The following HS3ST2 variants were observed in gnomAD, a reference collection of about 807,000 sequenced individuals.
HS3ST2 encodes heparan sulfate glucosamine 3-O-sulfotransferase 2.
In HS3ST2, 17 loss-of-function variants were observed where a neutral mutation model predicts 26.3. That is an observed-to-expected ratio of 0.65 (90% CI 0.44 to 0.97). HS3ST2 has a LOEUF of 0.97. Ranked by LOEUF, HS3ST2 falls within the 50% of genes least tolerant of loss-of-function variation. The pLI is 0.00. For missense variants in HS3ST2, 402 were observed against 501.2 expected, an observed-to-expected ratio of 0.80 and a Z score of 1.89; for synonymous variants, 237 against 219.2, an observed-to-expected ratio of 1.08 and a Z score of -0.72.
chr16:22,861,529 C>A (rs1901674297), intron 1 of HS3ST2, among the ~76,000 whole-genome samples: 1 of 151,994 alleles, frequency 6.6e-6, no homozygotes. Flanking sequence ...AGCCTTGGCC[C>A]TCTCCTCTTC....
chr16:22,846,370 A>G (rs993647228), intron 1 of HS3ST2, among the ~76,000 whole-genome samples: 5 of 151,848 alleles, frequency 3.3e-5, no homozygotes, highest in African/African-American at 1.2e-4. Flanking sequence ...CAATAATCTC[A>G]TTGCAAACCC....
chr16:22,891,711 G>A (rs147296125), intron 1 of HS3ST2, among the ~76,000 whole-genome samples: 1 of 152,214 alleles, frequency 6.6e-6, no homozygotes, highest in East Asian at 1.9e-4. Context: ...AATAAAAAAT[G>A]AGTTTCCTTC....
intron 1 of HS3ST2, among the ~76,000 whole-genome samples, chr16:22,838,267 T>G (rs1901299160): frequency 6.6e-6 from 1 of 152,064 alleles, no homozygotes; most frequent in Non-Finnish European, 1.5e-5. Flanking sequence ...GGGCTGAGGA[T>G]GTACAATTCC....
At position 22,915,442 on chromosome 16, in the gene HS3ST2, A is replaced by C; in HGVS notation, c.984A>C (p.Lys328Asn). 6.2e-7 allele frequency: 1 copy of C among 1,614,082 alleles called. No homozygotes were observed. Residue 328 changes from lysine (K) to asparagine (N), a missense_variant, in exon 2 of 2, where the codon AAA becomes AAC. Transcript: ENST00000261374. ...ESSLLPRCLG[K>N]SKGRTHVQID... Reference sequence around the variant, plus strand: ...GCCTCCTGCCTCGATGCTTGGGCAAATCAAAAGGGAGAACTCATGTACAGA... The same window carrying C: ...GCCTCCTGCCTCGATGCTTGGGCAACTCAAAAGGGAGAACTCATGTACAGA...
At chr16:22,907,694 G>C (rs916310741) in intron 1 of HS3ST2, among the ~76,000 whole-genome samples, 1 of 152,246 alleles carries the variant, frequency 6.6e-6, no homozygotes, top group Non-Finnish European at 1.5e-5. Flanking sequence ...TTGTTGAAGT[G>C]AGGTATCCAG....
intron 1 of HS3ST2, among the ~76,000 whole-genome samples, chr16:22,906,037 T>G (rs971753084): frequency 2.6e-5 from 4 of 152,134 alleles, no homozygotes; most frequent in African/African-American, 9.7e-5. Context: ...ACAGTGGTTC[T>G]AAGCACTGGT....
At chr16:22,840,118 T>C (rs1176861707) in intron 1 of HS3ST2, among the ~76,000 whole-genome samples, 1 of 152,234 alleles carries the variant, frequency 6.6e-6, no homozygotes, top group African/African-American at 2.4e-5. Flanking sequence ...CAATTCTGAC[T>C]TTTGGTTTTG....
intron 1 of HS3ST2, among the ~76,000 whole-genome samples, chr16:22,853,005 C>T (rs185787623): frequency 1.4e-3 from 208 of 152,268 alleles, no homozygotes; most frequent in African/African-American, 4.9e-3. Context: ...CATTTTATAT[C>T]AGCTTACCTT....
At chr16:22,867,915 T>C (rs1352410720) in intron 1 of HS3ST2, among the ~76,000 whole-genome samples, 2 of 152,238 alleles carry the variant, frequency 1.3e-5, no homozygotes, top group African/African-American at 4.8e-5. Context: ...ATATGGGAGA[T>C]TGGTATGGAA....
At chr16:22,843,988 G>A (rs895951356) in intron 1 of HS3ST2, among the ~76,000 whole-genome samples, 3 of 149,392 alleles carry the variant, frequency 2.0e-5, no homozygotes, top group African/African-American at 7.5e-5. Context: ...GTTATGAACT[G>A]GGAATTGTGG....
At chr16:22,831,303 C>G (rs570109660) in intron 1 of HS3ST2, among the ~76,000 whole-genome samples, 1 of 152,206 alleles carries the variant, frequency 6.6e-6, no homozygotes, top group Non-Finnish European at 1.5e-5. Context: ...TTTGATGGAA[C>G]TATATTATTT....
chr16:22,824,979 A>C (rs1474291633), intron 1 of HS3ST2, among the ~76,000 whole-genome samples: 1 of 152,152 alleles, frequency 6.6e-6, no homozygotes, highest in Non-Finnish European at 1.5e-5. Context: ...GAAGCATACA[A>C]AGACAGATCT....
At chr16:22,892,833 C>T (rs963979751) in intron 1 of HS3ST2, among the ~76,000 whole-genome samples, 4 of 152,064 alleles carry the variant, frequency 2.6e-5, no homozygotes, top group East Asian at 3.8e-4. Flanking sequence ...CTTCAAAATG[C>T]GTTGGCTCTT....
chr16:22,825,756 G>T (rs796949903), intron 1 of HS3ST2, among the ~76,000 whole-genome samples: 9 of 152,332 alleles, frequency 5.9e-5, no homozygotes, highest in African/African-American at 2.2e-4. Context: ...GGGAGCGGGG[G>T]CTCACACCTG....
intron 1 of HS3ST2, among the ~76,000 whole-genome samples, chr16:22,837,660 C>T (rs1038063307): frequency 2.0e-5 from 3 of 150,364 alleles, no homozygotes; most frequent in East Asian, 3.9e-4. Flanking sequence ...TGCACACACA[C>T]GTATCTATGA....
In HS3ST2 at chr16:22,915,241, G is replaced by A; in HGVS notation, c.783G>A (p.Leu261=). The A allele has an allele frequency of 5.0e-6, 8 of 1,614,154 alleles. No homozygotes were observed. The highest frequency in any genetic ancestry group is 6.8e-6 in the Non-Finnish European group (8 of 1,180,040). ...ACGTGCTGCACCTGGAGAGCTGGCT[G>A]CAGTACTTCCCGCTAGCTCAGATTC... The part of the protein sequence containing the change: ...GMYVLHLESW[L]QYFPLAQIHF... Residue 261 remains leucine (L), a synonymous_variant, in exon 2 of 2, where the codon CTG becomes CTA. Coordinates refer to ENST00000261374, the MANE Select transcript of HS3ST2 (RefSeq NM_006043.2).
At chr16:22,833,174 C>T (rs1901200358) in intron 1 of HS3ST2, 4 of 454,718 alleles carry the variant, frequency 8.8e-6, no homozygotes, top group Non-Finnish European at 1.8e-5. Context: ...GCCATTAAAA[C>T]CTGGCTGTAT....
chr16:22,847,542 A>G (rs1901453916), intron 1 of HS3ST2, among the ~76,000 whole-genome samples: 2 of 152,192 alleles, frequency 1.3e-5, no homozygotes, highest in African/African-American at 4.8e-5. Context: ...TACGTGTTGC[A>G]AGATCGTACT....
intron 1 of HS3ST2, among the ~76,000 whole-genome samples, chr16:22,910,850 T>A (rs2141749008): frequency 6.6e-6 from 1 of 152,230 alleles, no homozygotes; most frequent in East Asian, 1.9e-4. Context: ...GCATACCTTG[T>A]TCTCGGAGAC....
Sources: gnomAD v4.1 joint callset for allele counts (sites outside exome capture counted in the v4.1 genomes callset) on GRCh38, gnomAD v4.1.1 for gene constraint, MANE v1.5 for transcripts, NCBI Gene and HGNC (gene_info 2026-07-23, HGNC 2026-07-21) for gene names.